SHANK2: variants seen among roughly 807,000 people sequenced by gnomAD.
The protein encoded by SHANK2 is SH3 and multiple ankyrin repeat domains 2.
Under a neutral mutation model 133.7 loss-of-function variants are expected in SHANK2, and 43 were observed. The ratio of observed to expected loss-of-function variants is 0.32; its 90% CI spans 0.25 to 0.41. The LOEUF (loss-of-function observed/expected upper bound fraction) is 0.41. Among genes scored for constraint, SHANK2 ranks in the 10% least tolerant of loss-of-function variants. The probability of loss-of-function intolerance (pLI) is 1.00; values close to 1 mark genes in which losing one functional copy is unlikely to be tolerated. For missense variants in SHANK2, 1,994 were observed against 2,235.8 expected, an observed-to-expected ratio of 0.89 and a Z score of 2.18; for synonymous variants, 1,017 against 952.8, an observed-to-expected ratio of 1.07 and a Z score of -1.24.
Position 71,124,771 on chromosome 11 carries a change from C to T in SHANK2, c.208-5739G>A, listed in dbSNP as rs186929658. 1.8e-3 allele frequency among the ~76,000 whole-genome samples: 273 copies of T among 152,290 alleles called. 2 individuals are homozygous for T. The highest frequency in any genetic ancestry group is 5.8e-3 in the African/African-American group (240 of 41,550). On this transcript the variant is annotated intron_variant, in intron 3 of 25. Transcript: ENST00000601538. ...GTGCAGGCAAATCATAAATTAGAGG[C>T]ATATCCCATTCTATTTCACTTGCTT...
chr11:71,144,042 G>A (rs1193103525), intron 3 of SHANK2, among the ~76,000 whole-genome samples: 6 of 152,054 alleles, frequency 3.9e-5, no homozygotes, highest in African/African-American at 1.4e-4. Context: ...AAAAGGATCT[G>A]GCAAATGAAA....
intron 17 of SHANK2, among the ~76,000 whole-genome samples, chr11:70,640,836 T>G (rs192255224): frequency 6.6e-6 from 1 of 152,246 alleles, no homozygotes; most frequent in Admixed American, 6.5e-5. Context: ...CTTGCAGAGC[T>G]CCTAGGAAGA....
intron 11 of SHANK2, among the ~76,000 whole-genome samples, chr11:70,867,173 A>C (rs1475490726): frequency 1.3e-5 from 2 of 151,034 alleles, no homozygotes; most frequent in Non-Finnish European, 1.5e-5. Context: ...GTGGATCCCC[A>C]CTCTGACTCT....
intron 11 of SHANK2, among the ~76,000 whole-genome samples, chr11:70,885,133 G>C (rs537126018): frequency 1.3e-5 from 2 of 152,154 alleles, no homozygotes; most frequent in East Asian, 1.9e-4. Context: ...CTGGGGTCTC[G>C]TGTGGTTGGG....
At chr11:70,844,711 C>T (rs1038347467) in intron 11 of SHANK2, among the ~76,000 whole-genome samples, 22 of 152,188 alleles carry the variant, frequency 1.4e-4, no homozygotes, top group African/African-American at 5.3e-4. Context: ...TCCCCATGAT[C>T]AATAACACGG....
chr11:70,599,704 A>C (rs573893790), intron 17 of SHANK2, among the ~76,000 whole-genome samples: 1 of 148,640 alleles, frequency 6.7e-6, no homozygotes, highest in Admixed American at 6.7e-5. Context: ...AGGCAGGAGA[A>C]TTGTTTGAAC....
intron 2 of SHANK2, among the ~76,000 whole-genome samples, chr11:71,160,768 C>T (rs1555109829): frequency 1.3e-5 from 2 of 152,204 alleles, no homozygotes; most frequent in Non-Finnish European, 2.9e-5. Flanking sequence ...CCAACGTATG[C>T]CATTTTGTCC....
In SHANK2 at chr11:71,092,410, G is replaced by A. The variant is rs974196950; in HGVS notation, c.912+12C>T. 1.1e-5 allele frequency: 17 copies of A among 1,550,902 alleles called. No individual in the cohort carries two copies. The highest frequency in any genetic ancestry group is 4.9e-5 in the East Asian group (2 of 40,916). On this transcript the variant is annotated intron_variant, in intron 8 of 25. Transcript: ENST00000601538. ...CGTGGGTACAACAGAGTGGAGAAGCGGGCCCACGTACCTGGTGGATCTCGT... is the reference window on the plus strand; with the variant it reads ...CGTGGGTACAACAGAGTGGAGAAGCAGGCCCACGTACCTGGTGGATCTCGT...
chr11:70,674,594 C>G (rs1353301759), intron 15 of SHANK2, among the ~76,000 whole-genome samples: 3 of 152,256 alleles, frequency 2.0e-5, no homozygotes, highest in Non-Finnish European at 4.4e-5. Flanking sequence ...GGTAATTGGC[C>G]TGCCTCGGCC....
intron 14 of SHANK2, among the ~76,000 whole-genome samples, chr11:70,764,995 T>C (rs376206175): frequency 6.6e-6 from 1 of 152,186 alleles, no homozygotes; most frequent in Admixed American, 6.5e-5. Context: ...AATCCATTAA[T>C]GAAAGACAAG....
At chr11:71,199,673 G>A (rs1205751848) in intron 2 of SHANK2, among the ~76,000 whole-genome samples, 1 of 152,224 alleles carries the variant, frequency 6.6e-6, no homozygotes, top group Non-Finnish European at 1.5e-5. Context: ...GAGCCCAGTG[G>A]ATGCCCTTGA....
Position 71,167,745 on chromosome 11 carries a change from G to A in SHANK2, c.-12-20407C>T, listed in dbSNP as rs1385688134. ...TCCTCACTTCCCAGTAGGGGCGGCC[G>A]GGCAGAGGCGTCCCTCACCTCCCGG... is the stretch of plus-strand genomic sequence containing the variant. On this transcript the variant is annotated intron_variant, in intron 2 of 25. Coordinates refer to ENST00000601538, the MANE Select transcript of SHANK2 (RefSeq NM_012309.5). Among the ~76,000 whole-genome samples the A allele has an allele frequency of 7.1e-5, 10 of 140,906 alleles. No homozygotes were observed. In the South Asian group the frequency reaches 9.3e-4, roughly 13 times the overall value. The allele number at this position is 140,906 out of a possible 152,430, so 92.4% of individuals were successfully genotyped here.
At chr11:70,588,856 C>T (rs543199529) in intron 17 of SHANK2, among the ~76,000 whole-genome samples, 19 of 152,286 alleles carry the variant, frequency 1.2e-4, no homozygotes, top group Admixed American at 9.8e-4. Context: ...CGCGCTCTGT[C>T]GCCCAGGCTG....
In SHANK2 at chr11:70,864,213, C is replaced by T. The variant is rs1357829197; in HGVS notation, c.1174+32288G>A. The T allele has an allele frequency of 1.5e-4, 29 of 189,574 alleles. No individual in the cohort carries two copies. In the Admixed American group the frequency reaches 1.6e-3, roughly 10 times the overall value. 11.7% of individuals were successfully genotyped at this position (189,574 alleles called of 1,614,324 possible). On this transcript the variant is annotated intron_variant, in intron 11 of 25. Transcript: ENST00000601538. ...CCAGCTTCTGTTGCCGTGGCAACTC[C>T]ACTGGGATGCTCTGCTATTTGCACA...
chr11:70,936,126 G>A (rs1950567320), intron 10 of SHANK2, among the ~76,000 whole-genome samples: 1 of 152,220 alleles, frequency 6.6e-6, no homozygotes, highest in South Asian at 2.1e-4. Context: ...CAGCTCTGTG[G>A]AGCTTATTCT....
chr11:71,216,372 A>T (rs1437925096), intron 2 of SHANK2, among the ~76,000 whole-genome samples: 2 of 152,204 alleles, frequency 1.3e-5, no homozygotes, highest in African/African-American at 4.8e-5. Flanking sequence ...CACAAAGGTC[A>T]TGTATTATAC....
chr11:70,502,387 C>G, intron 18 of SHANK2, 101 bp from the exon 19 acceptor site: 1 of 1,101,776 alleles, frequency 9.1e-7, no homozygotes, highest in Non-Finnish European at 1.3e-6. Context: ...GGGTCTCAGG[C>G]TGTTTGGCTG....
intron 12 of SHANK2, among the ~76,000 whole-genome samples, chr11:70,814,368 A>G (rs1948345181): frequency 1.3e-5 from 2 of 151,048 alleles, no homozygotes; most frequent in Middle Eastern, 3.2e-3. Flanking sequence ...AGAGCTCCCA[A>G]TTCCACACCT....
At chr11:70,554,870 A>C (rs1565125674) in intron 17 of SHANK2, among the ~76,000 whole-genome samples, 10 of 133,898 alleles carry the variant, frequency 7.5e-5, no homozygotes, top group African/African-American at 8.3e-5. Flanking sequence ...ATACAGGCAC[A>C]CCTCACTTCA....
Sources: gnomAD v4.1 joint callset for allele counts (sites outside exome capture counted in the v4.1 genomes callset) on GRCh38, gnomAD v4.1.1 for gene constraint, MANE v1.5 for transcripts, NCBI Gene and HGNC (gene_info 2026-07-23, HGNC 2026-07-21) for gene names.